COL15A1: variants seen among roughly 807,000 people sequenced by gnomAD.
COL15A1 encodes collagen alpha-1(XV) chain.
A neutral mutation model predicts 165.9 loss-of-function variants in COL15A1; 111 were observed. That is an observed-to-expected ratio of 0.67 (90% confidence interval 0.57 to 0.78). The LOEUF (loss-of-function observed/expected upper bound fraction) is 0.78, where lower values mean the gene tolerates loss of function less well. Ranked by LOEUF, COL15A1 falls within the 30% of genes least tolerant of loss-of-function variation. The pLI, the probability that COL15A1 is intolerant of heterozygous loss-of-function variation, is 0.00. For synonymous variants in COL15A1, 659 were observed against 674.8 expected (o/e 0.98, Z 0.36); for missense variants, 1,745 against 1,789.7 (o/e 0.98, Z 0.45).
Position 98,987,298 on chromosome 9 carries a change from C to G in COL15A1, c.653C>G (p.Ser218Cys), listed in dbSNP as rs774709650. The G allele has an allele frequency of 3.1e-6, 5 of 1,613,216 alleles. No homozygotes were observed. Among genetic ancestry groups the G allele is most frequent in the Non-Finnish European group, 3.4e-6 (4 of 1,179,706 alleles). ...TGATCCGTCTCTTTTCCCCAGGGCT[C>G]CCTCCAGCAGCTCACCGTGCACCCC... ...GATGLERFTGSLQQLTVHPDP... is the reference protein window; with the variant it reads ...GATGLERFTGCLQQLTVHPDP... The change falls in exon 4 of 42, where the codon TCC becomes TGC. Residue 218 changes from serine to cysteine, a missense_variant. Physicochemically the swap from Ser to Cys is moderately radical, Grantham distance 112. Coordinates refer to ENST00000375001, the MANE Select transcript of COL15A1 (RefSeq NM_001855.5).
At chr9:98,974,289 A>G (rs1838106670) in intron 2 of COL15A1, among the ~76,000 whole-genome samples, 1 of 152,154 alleles carries the variant, frequency 6.6e-6, no homozygotes, top group South Asian at 2.1e-4. Flanking sequence ...CCAGGTGGTG[A>G]GCTGCACTGT....
At chr9:99,064,942 A>C (rs1273075412) in intron 39 of COL15A1, among the ~76,000 whole-genome samples, 1 of 152,250 alleles carries the variant, frequency 6.6e-6, no homozygotes, top group Non-Finnish European at 1.5e-5. Context: ...TCAACAATGC[A>C]TGAAAAGAAT....
intron 11 of COL15A1, among the ~76,000 whole-genome samples, chr9:99,016,565 T>C (rs112496622): frequency 0.02 from 2,975 of 152,312 alleles, 94 homozygotes; most frequent in African/African-American, 0.069. Context: ...GGCCCTCCGT[T>C]TCCTCATCTG....
At chr9:99,061,876 C>A in intron 36 of COL15A1, 95 bp from the exon 37 acceptor site, 1 of 1,332,532 alleles carries the variant, frequency 7.5e-7, no homozygotes, top group Non-Finnish European at 1.0e-6. Context: ...TATCTGGGGA[C>A]GGCTCCTAGT....
intron 22 of COL15A1, among the ~76,000 whole-genome samples, chr9:99,038,954 C>T (rs1839353159): frequency 6.6e-6 from 1 of 152,222 alleles, no homozygotes; most frequent in Admixed American, 6.5e-5. Context: ...CAGTCCTGTG[C>T]ACCGGCAATA....
At position 99,035,389 on chromosome 9, in the gene COL15A1, C is replaced by A. The variant is rs752415987; in HGVS notation, c.2260C>A (p.Pro754Thr). The change falls in exon 19 of 42, where the codon CCC (proline) becomes ACC (threonine). Residue 754 changes from proline to threonine, a missense_variant. Transcript: ENST00000375001. ...TGGAAGCACCCAGCTATTGAATGAACCCAAACTCTCCAGACCAACGGCTGC... is the reference window on the plus strand; with the variant it reads ...TGGAAGCACCCAGCTATTGAATGAAACCAAACTCTCCAGACCAACGGCTGC... ...GSGSTQLLNEPKLSRPTAAIG... is the reference protein window; with the variant it reads ...GSGSTQLLNETKLSRPTAAIG... The A allele has an allele frequency of 7.4e-6, 12 of 1,614,168 alleles. No individual in the cohort carries two copies. The highest frequency in any genetic ancestry group is 9.3e-6 in the Non-Finnish European group (11 of 1,180,030).
At chr9:98,954,582 C>T (rs1177994999) in intron 2 of COL15A1, among the ~76,000 whole-genome samples, 1 of 152,182 alleles carries the variant, frequency 6.6e-6, no homozygotes, top group Non-Finnish European at 1.5e-5. Context: ...TTTCTCATTG[C>T]TCACTATTAT....
In COL15A1 at chr9:98,989,231, A is replaced by T. The variant is rs191757905; in HGVS notation, c.777A>T (p.Leu259Phe). The T allele has an allele frequency of 9.5e-5, 154 of 1,614,110 alleles. No individual in the cohort carries two copies. Among genetic ancestry groups the T allele is most frequent in the Admixed American group, 2.5e-4 (15 of 60,020 alleles). Residue 259 changes from leucine to phenylalanine, a missense_variant, in exon 5 of 42, where the codon TTA becomes TTT. Physicochemically the swap from Leu to Phe is conservative, Grantham distance 22. Coordinates refer to ENST00000375001, the MANE Select transcript of COL15A1 (RefSeq NM_001855.5). ...AGGCAGACGGAGTAGCTGAGATCTTAGAAGCCGTCACCTACACTCAAGCCT... is the reference window on the plus strand; with the variant it reads ...AGGCAGACGGAGTAGCTGAGATCTTTGAAGCCGTCACCTACACTCAAGCCT... ...LQEADGVAEI[L>F]EAVTYTQASP...
In COL15A1 at chr9:99,013,988, T is replaced by C. The variant is rs556907856; in HGVS notation, c.1354-1429T>C. ...GTGCATGTTGTGTTTTTTTTTCCCC[T>C]CTCTTGCAGCTGTGAGAAATTTTAG... On this transcript the variant is annotated intron_variant, in intron 9 of 41. Coordinates refer to ENST00000375001, the MANE Select transcript of COL15A1 (RefSeq NM_001855.5). Among the ~76,000 whole-genome samples the C allele has an allele frequency of 6.5e-5, 9 of 138,036 alleles. No individual in the cohort carries two copies. The South Asian group carries it at 1.6e-3, about 24-fold the overall frequency. 90.6% of individuals were successfully genotyped at this position (138,036 alleles called of 152,430 possible). A position where few individuals can be genotyped will look rare whatever the true frequency, so the allele number is the denominator to read the frequency against.
intron 2 of COL15A1, among the ~76,000 whole-genome samples, chr9:98,947,168 G>C (rs978426214): frequency 1.9e-4 from 29 of 152,134 alleles, no homozygotes; most frequent in Non-Finnish European, 4.1e-4. Context: ...CTGGTGAATA[G>C]ATAAACAAAT....
intron 3 of COL15A1, 73 bp downstream of exon 3, chr9:98,986,185 C>T: frequency 8.7e-7 from 1 of 1,145,390 alleles, no homozygotes; most frequent in Non-Finnish European, 1.3e-6. Context: ...AATGGAGCAA[C>T]TATTATTGTT....
chr9:99,059,740 G>A (rs1427865924), intron 35 of COL15A1, 149 bp from the exon 36 acceptor site: 5 of 759,168 alleles, frequency 6.6e-6, no homozygotes, highest in Non-Finnish European at 8.6e-6. Flanking sequence ...CACGCTGGGG[G>A]CACAGCACCC....
chr9:99,016,893 G>A (rs766093322), intron 11 of COL15A1, among the ~76,000 whole-genome samples: 2 of 152,236 alleles, frequency 1.3e-5, no homozygotes, highest in Non-Finnish European at 2.9e-5. Flanking sequence ...GCCACGGTGC[G>A]GCAGGACTGA....
chr9:98,964,844 G>C (rs1175616501), intron 2 of COL15A1, among the ~76,000 whole-genome samples: 1 of 152,172 alleles, frequency 6.6e-6, no homozygotes, highest in South Asian at 2.1e-4. Flanking sequence ...GTTCTTCCCA[G>C]CTCTGAAGGT....
chr9:99,044,989 G>A (rs1839471467), intron 26 of COL15A1, among the ~76,000 whole-genome samples: 1 of 152,228 alleles, frequency 6.6e-6, no homozygotes, highest in Admixed American at 6.5e-5. Context: ...AAATTCCACT[G>A]TGGTTGTTCT....
intron 2 of COL15A1, among the ~76,000 whole-genome samples, chr9:98,954,016 GA>G (rs1465383435): frequency 6.6e-6 from 1 of 152,218 alleles, no homozygotes; most frequent in Non-Finnish European, 1.5e-5. Context: ...AGCCGCATTA[GA>G]CTCAGTGCCC....
chr9:99,046,791 A>G (rs1349155114), intron 26 of COL15A1, among the ~76,000 whole-genome samples: 1 of 152,250 alleles, frequency 6.6e-6, no homozygotes, highest in Admixed American at 6.5e-5. Context: ...GTGGGCACAC[A>G]AAGCCAAACC....
chr9:99,058,775 G>T (rs1825766456), intron 35 of COL15A1, among the ~76,000 whole-genome samples: 1 of 152,202 alleles, frequency 6.6e-6, no homozygotes, highest in African/African-American at 2.4e-5. Context: ...AATTCTATTA[G>T]GAGGCATGGC....
chr9:99,014,446 C>A (rs998268983), intron 9 of COL15A1, among the ~76,000 whole-genome samples: 11 of 152,210 alleles, frequency 7.2e-5, no homozygotes, highest in Admixed American at 2.0e-4. Context: ...TAGAACTTGA[C>A]CAAATTTTGG....
Sources: gnomAD v4.1 joint callset for allele counts (sites outside exome capture counted in the v4.1 genomes callset) on GRCh38, gnomAD v4.1.1 for gene constraint, MANE v1.5 for transcripts, NCBI Gene and HGNC (gene_info 2026-07-23, HGNC 2026-07-21) for gene names.